ASZ1: variants seen among roughly 807,000 people sequenced by gnomAD.
ASZ1 encodes ankyrin repeat, SAM and basic leucine zipper domain-containing protein 1.
In ASZ1, 67 loss-of-function variants were observed where a neutral mutation model predicts 61.8. The ratio of observed to expected loss-of-function variants is 1.08; its 90% CI spans 0.89 to 1.33. The LOEUF is 1.33. ASZ1 is among the 40% of genes most tolerant of loss of function. ASZ1 has a pLI of 0.00. For missense variants in ASZ1, 577 were observed against 554.5 expected, an observed-to-expected ratio of 1.04 and a Z score of -0.41; for synonymous variants, 193 against 192.7, an observed-to-expected ratio of 1.00 and a Z score of -0.01.
At chr7:117,412,406 G>A (rs543856182) in intron 4 of ASZ1, among the ~76,000 whole-genome samples, 1 of 151,770 alleles carries the variant, frequency 6.6e-6, no homozygotes, top group East Asian at 1.9e-4. Context: ...TCAGAGCAAA[G>A]ATATGTCACA....
At chr7:117,379,133 TTATATATATATATATATATA>T (rs370500034) in intron 10 of ASZ1, among the ~76,000 whole-genome samples, 2 of 104,694 alleles carry the variant, frequency 1.9e-5, no homozygotes, top group South Asian at 3.6e-4. Flanking sequence ...TGTGATAAAA[TTATATATATATATATATATA>T]TATATATATA....
chr7:117,384,586 G>T, intron 6 of ASZ1, 140 bp downstream of exon 6: 1 of 1,006,302 alleles, frequency 9.9e-7, no homozygotes, highest in Non-Finnish European at 1.4e-6. Context: ...CTGGCTGGAG[G>T]AAAGATACAT....
Position 117,385,769 on chromosome 7 carries a change from G to A in ASZ1, c.481C>T (p.His161Tyr). The A allele has an allele frequency of 2.5e-6, 4 of 1,613,600 alleles. No homozygotes were observed. Among genetic ancestry groups the A allele is most frequent in the Non-Finnish European group, 3.4e-6 (4 of 1,179,708 alleles). Residue 161 changes from histidine to tyrosine, a missense_variant, in exon 5 of 13, where the codon CAC (histidine) becomes TAC (tyrosine). Physicochemically the swap from His to Tyr is moderately conservative, Grantham distance 83. Coordinates refer to ENST00000284629, the MANE Select transcript of ASZ1 (RefSeq NM_130768.3). ...ACAAGGAGAGCAACAACCTGGGTGTGACCATCTCGAGCAGCATACATGATT... is the reference window on the plus strand; with the variant it reads ...ACAAGGAGAGCAACAACCTGGGTGTAACCATCTCGAGCAGCATACATGATT... ...TPIMYAARDGHTQVVALLVAH... is the reference protein window; with the variant it reads ...TPIMYAARDGYTQVVALLVAH...
In ASZ1 at chr7:117,363,647, G is replaced by A. The variant is rs201272324; in HGVS notation, c.1377C>T (p.Cys459=). The change falls in exon 13 of 13, where the codon TGC becomes TGT. Residue 459 remains cysteine, a synonymous_variant. Transcript: ENST00000284629. ...RILKRTAITI[C]GFGFLLFICK... is the part of the protein sequence containing the mutation. The stretch of plus-strand genomic sequence containing the variant: ...AAATGAAAAGAAGAAAACCGAATCC[G>A]CATATGGTAATAGCTGTCCTCTTCA... 20 of 1,607,232 alleles carry A rather than the reference G, an allele frequency of 1.2e-5. No homozygotes were observed. Among genetic ancestry groups the A allele is most frequent in the East Asian group, 2.2e-5 (1 of 44,582 alleles).
intron 4 of ASZ1, among the ~76,000 whole-genome samples, chr7:117,414,937 A>C (rs887855616): frequency 6.8e-6 from 1 of 146,650 alleles, no homozygotes; most frequent in East Asian, 1.9e-4. Flanking sequence ...GTGCCGCAAT[A>C]AACATATGTG....
intron 4 of ASZ1, among the ~76,000 whole-genome samples, chr7:117,387,301 C>G (rs1472816671): frequency 7.0e-6 from 1 of 141,872 alleles, no homozygotes; most frequent in Non-Finnish European, 1.5e-5. Flanking sequence ...AGAGTGAGAC[C>G]CTGTCTCAAC....
intron 4 of ASZ1, among the ~76,000 whole-genome samples, chr7:117,393,260 A>T (rs1584729985): frequency 6.6e-6 from 1 of 152,314 alleles, no homozygotes; most frequent in South Asian, 2.1e-4. Flanking sequence ...TTCTAGGTAA[A>T]TATCAATTAG....
chr7:117,380,592 C>A (rs1338139546), intron 9 of ASZ1, among the ~76,000 whole-genome samples: 1 of 151,462 alleles, frequency 6.6e-6, no homozygotes, highest in Non-Finnish European at 1.5e-5. Flanking sequence ...CATCCCGCAG[C>A]TATATGTTAT....
chr7:117,384,959 G>T, intron 5 of ASZ1, 99 bp from the exon 6 acceptor site: 2 of 1,086,090 alleles, frequency 1.8e-6, no homozygotes, highest in Non-Finnish European at 2.5e-6. Flanking sequence ...ATAAAAAAGA[G>T]AACATAGTTA....
chr7:117,425,991 C>G (rs1562863720), intron 2 of ASZ1, among the ~76,000 whole-genome samples: 1 of 151,756 alleles, frequency 6.6e-6, no homozygotes, highest in Non-Finnish European at 1.5e-5. Flanking sequence ...GACACTCCAT[C>G]CCCTTCCTTC....
chr7:117,373,928 A>T (rs1796092861), intron 10 of ASZ1, among the ~76,000 whole-genome samples: 1 of 152,186 alleles, frequency 6.6e-6, no homozygotes, highest in South Asian at 2.1e-4. Context: ...AAGAAAATGA[A>T]CAATGATATT....
chr7:117,418,180 A>G (rs1797032258), intron 4 of ASZ1, among the ~76,000 whole-genome samples: 1 of 152,206 alleles, frequency 6.6e-6, no homozygotes, highest in Admixed American at 6.5e-5. Context: ...AAGAAAGTGA[A>G]GAGCACCAAG....
chr7:117,367,879 C>T (rs1403997197), intron 11 of ASZ1: 2 of 985,676 alleles, frequency 2.0e-6, no homozygotes, highest in Non-Finnish European at 2.4e-6. Flanking sequence ...AGGCCACTTC[C>T]ACTTTTTCTT....
At chr7:117,395,961 G>A (rs575257519) in intron 4 of ASZ1, among the ~76,000 whole-genome samples, 2 of 152,246 alleles carry the variant, frequency 1.3e-5, no homozygotes, top group Admixed American at 6.5e-5. Context: ...ATAAACAAAT[G>A]AGCACAGCTG....
chr7:117,402,900 G>A (rs1796707458), intron 4 of ASZ1, among the ~76,000 whole-genome samples: 1 of 152,084 alleles, frequency 6.6e-6, no homozygotes, highest in Admixed American at 6.6e-5. Context: ...GGCAAGGTGG[G>A]GACTAGCAAC....
chr7:117,367,657 A>G (rs1584715230), intron 11 of ASZ1, 192 bp from the exon 12 acceptor site: 1 of 1,078,046 alleles, frequency 9.3e-7, no homozygotes, highest in East Asian at 4.0e-5. Flanking sequence ...TGCCAAATGC[A>G]TTTCCTGAAT....
chr7:117,425,733 T>C (rs10953844), intron 2 of ASZ1, among the ~76,000 whole-genome samples: 16,960 of 151,712 alleles, frequency 0.11, 1,503 homozygotes, highest in East Asian at 0.44. Context: ...CTCTTGCTTG[T>C]AATCTCAGCA....
At chr7:117,364,454 T>TGA (rs1795895831) in intron 12 of ASZ1, among the ~76,000 whole-genome samples, 3 of 145,252 alleles carry the variant, frequency 2.1e-5, no homozygotes, top group East Asian at 4.0e-4. Context: ...AAGGGGGAAG[T>TGA]GAGAGAGAGA....
intron 4 of ASZ1, among the ~76,000 whole-genome samples, chr7:117,396,117 T>C (rs975443365): frequency 3.3e-5 from 5 of 152,194 alleles, no homozygotes; most frequent in Non-Finnish European, 5.9e-5. Flanking sequence ...TTCTACAACT[T>C]TATATGAGCA....
Sources: gnomAD v4.1 joint callset for allele counts (sites outside exome capture counted in the v4.1 genomes callset) on GRCh38, gnomAD v4.1.1 for gene constraint, MANE v1.5 for transcripts, NCBI Gene and HGNC (gene_info 2026-07-23, HGNC 2026-07-21) for gene names.